VIM: variants seen among roughly 807,000 people sequenced by gnomAD.
VIM encodes the protein vimentin.
Under a neutral mutation model 50.3 loss-of-function variants are expected in VIM, and 18 were observed. The observed-to-expected ratio is 0.36, with a 90% CI of 0.25 to 0.53. VIM has a LOEUF of 0.53. Among genes scored for constraint, VIM ranks in the 20% least tolerant of loss-of-function variants. VIM has a pLI of 0.91. For synonymous variants in VIM, 245 were observed against 248.5 expected, an observed-to-expected ratio of 0.99 and a Z score of 0.13; for missense variants, 551 against 614.7, an observed-to-expected ratio of 0.90 and a Z score of 1.10.
chr10:17,233,815 A>G lies in VIM; in HGVS notation c.766A>G (p.Ile256Val), dbSNP rs139037306. Residue 256 changes from isoleucine to valine, a missense_variant, in exon 5 of 10, where the codon ATC becomes GTC. Ile to Val is a conservative substitution (Grantham distance 29). This residue lies in a region of VIM where 394 missense variants were observed against 437.5 expected (regional missense o/e 0.90). Transcript: ENST00000544301. ...TCAGATTCAGGAACAGCATGTCCAA[A>G]TCGATGTGGATGTTTCCAAGCCTGA... is the stretch of plus-strand genomic sequence containing the variant. Reference protein sequence around the residue: ...QAQIQEQHVQIDVDVSKPDLT... With the variant: ...QAQIQEQHVQVDVDVSKPDLT... The G allele has an allele frequency of 5.6e-6, 9 of 1,614,026 alleles. No individual in the cohort carries two copies. In the African/African-American group the frequency reaches 1.1e-4, roughly 19 times the overall value.
At position 17,233,625 on chromosome 10, in the gene VIM, A is replaced by G. The variant is rs1310277495; in HGVS notation, c.663A>G (p.Glu221=). 6.2e-7 allele frequency: 1 copy of G among 1,614,192 alleles called. No individual in the cohort carries two copies. Among genetic ancestry groups the G allele is most frequent in the Non-Finnish European group, 8.5e-7 (1 of 1,180,040 alleles). ...DNASLARLDL[E]RKVESLQEEI... is the part of the protein sequence containing the mutation. Reference sequence around the variant, plus strand: ...CGTCTCTGGCACGTCTTGACCTTGAACGCAAAGTGGAATCTTTGCAAGAAG... The same window carrying G: ...CGTCTCTGGCACGTCTTGACCTTGAGCGCAAAGTGGAATCTTTGCAAGAAG... Residue 221 remains glutamate, a synonymous_variant, in exon 4 of 10, where the codon GAA becomes GAG. Coordinates refer to ENST00000544301, the MANE Select transcript of VIM (RefSeq NM_003380.5).
rs559194010 is a variant in VIM at position 17,235,988 on chromosome 10, C to T, written c.1273+99C>T. 5.2e-5 allele frequency: 68 copies of T among 1,299,004 alleles called. No individual in the cohort carries two copies. The Admixed American group carries it at 6.2e-4, about 12-fold the overall frequency. The allele number at this position is 1,299,004 out of a possible 1,614,324, so 80.5% of individuals were successfully genotyped here. A position where few individuals can be genotyped will look rare whatever the true frequency, so the allele number is the denominator to read the frequency against. On this transcript the variant is annotated intron_variant, in intron 8 of 9. Coordinates refer to ENST00000544301, the MANE Select transcript of VIM (RefSeq NM_003380.5). ...TTTTTTAGGATATCTGAAAAAATGCCATATAAGAGAAAACTCTATAAAACA... is the reference window on the plus strand; with the variant it reads ...TTTTTTAGGATATCTGAAAAAATGCTATATAAGAGAAAACTCTATAAAACA...
intron 9 of VIM, 121 bp from the exon 10 acceptor site, chr10:17,237,109 C>A (rs955829712): frequency 3.2e-6 from 3 of 930,154 alleles, no homozygotes; most frequent in Non-Finnish European, 5.0e-6. Flanking sequence ...AGCAACATAA[C>A]CTTCTGATTT....
intron 3 of VIM, among the ~76,000 whole-genome samples, chr10:17,232,509 C>A (rs1161412535): frequency 6.6e-6 from 1 of 152,180 alleles, no homozygotes; most frequent in Non-Finnish European, 1.5e-5. Context: ...CTGAAACAGG[C>A]TAACTGAACT....
intron 5 of VIM, 28 bp from the exon 6 acceptor site, chr10:17,234,665 A>T: frequency 6.2e-7 from 1 of 1,613,156 alleles, no homozygotes; most frequent in Non-Finnish European, 8.5e-7. Flanking sequence ...AATGTGAGCA[A>T]TCTACATTTC....
rs779660014 is a variant in VIM, at chr10:17,230,613, T to G, written c.564-37T>G. On this transcript the variant is annotated intron_variant, in intron 2 of 9. Coordinates refer to ENST00000544301, the MANE Select transcript of VIM (RefSeq NM_003380.5). The stretch of plus-strand genomic sequence containing the variant: ...TGTGGCCGCCCCGCCCCTGGCGGTT[T>G]CCTCGTTCCCCTTTGGTTAATGCGC... 3.7e-6 allele frequency: 6 copies of G among 1,613,168 alleles called. No individual in the cohort carries two copies. The Admixed American group carries it at 6.7e-5, about 18-fold the overall frequency.
chr10:17,231,937 T>G (rs1846806719), intron 3 of VIM, among the ~76,000 whole-genome samples: 1 of 152,222 alleles, frequency 6.6e-6, no homozygotes, highest in Non-Finnish European at 1.5e-5. Context: ...TAGTATAACA[T>G]TTTGAAACTG....
At chr10:17,236,049 C>A in intron 8 of VIM, 160 bp downstream of exon 8, 1 of 798,964 alleles carries the variant, frequency 1.3e-6, no homozygotes, top group Non-Finnish European at 2.1e-6. Context: ...CTCTTGCATT[C>A]TATGCTTTAA....
At chr10:17,230,124 G>T in intron 2 of VIM, 139 bp downstream of exon 2, 1 of 1,134,934 alleles carries the variant, frequency 8.8e-7, no homozygotes. Flanking sequence ...ACAGCGGAGA[G>T]CGGGGCTGTG....
At position 17,234,688 on chromosome 10, in the gene VIM, A is replaced by C; in HGVS notation, c.883-5A>C. On this transcript the variant is annotated splice_polypyrimidine_tract_variant and splice_region_variant and intron_variant, in intron 5 of 9. Coordinates refer to ENST00000544301, the MANE Select transcript of VIM (RefSeq NM_003380.5). ...CAATCTACATTTCTGTTTTCTTCCCAACAGTTTGCTGACCTCTCTGAGGCT... is the reference window on the plus strand; with the variant it reads ...CAATCTACATTTCTGTTTTCTTCCCCACAGTTTGCTGACCTCTCTGAGGCT... The C allele has an allele frequency of 1.9e-6, 3 of 1,613,936 alleles. No homozygotes were observed. The highest frequency in any genetic ancestry group is 2.5e-6 in the Non-Finnish European group (3 of 1,180,018).
At chr10:17,231,582 A>G (rs1226228122) in intron 3 of VIM, among the ~76,000 whole-genome samples, 1 of 152,238 alleles carries the variant, frequency 6.6e-6, no homozygotes, top group African/African-American at 2.4e-5. Flanking sequence ...AACATCCGTT[A>G]TCTAATATCT....
In VIM at chr10:17,230,010, C is replaced by A. The variant is rs1248721024; in HGVS notation, c.563+25C>A. 8 of 1,594,012 alleles carry A rather than the reference C, an allele frequency of 5.0e-6. No homozygotes were observed. In the Middle Eastern group the frequency reaches 5.0e-4, roughly 100 times the overall value. On this transcript the variant is annotated intron_variant, in intron 2 of 9. Coordinates refer to ENST00000544301, the MANE Select transcript of VIM (RefSeq NM_003380.5). The stretch of plus-strand genomic sequence containing the variant: ...AGTAAGGCTGCGCCCATGCAAGTAG[C>A]TGGGCCTCGGGAGGGGGCTGGAGGG...
chr10:17,230,283 A>G (rs1409516798), intron 2 of VIM: 6 of 570,062 alleles, frequency 1.1e-5, no homozygotes, highest in East Asian at 6.0e-5. Flanking sequence ...CTTGGGCACA[A>G]TGAGAGCCAG....
At chr10:17,236,122 G>T in intron 8 of VIM, 172 bp from the exon 9 acceptor site, 1 of 733,574 alleles carries the variant, frequency 1.4e-6, no homozygotes, top group Non-Finnish European at 2.4e-6. Flanking sequence ...TGATGCTCAA[G>T]AGTGTCAGGG....
Position 17,235,250 on chromosome 10 carries a change from C to T in VIM, c.1090C>T (p.Arg364Cys), listed in dbSNP as rs751935909. Residue 364 changes from arginine to cysteine, a missense_variant, in exon 7 of 10, where the codon CGC (arginine) becomes TGC (cysteine). Arg to Cys is a radical substitution (Grantham distance 180). Around this residue, in one of 3 missense-constraint regions of VIM, gnomAD observed 394 missense variants for 437.5 expected, o/e 0.90. Transcript: ENST00000544301. ...TGCTAACTACCAAGACACTATTGGC[C>T]GCCTGCAGGATGAGATTCAGAATAT... is the stretch of plus-strand genomic sequence containing the variant. ...EAANYQDTIG[R>C]LQDEIQNMKE... The T allele has an allele frequency of 1.7e-5, 27 of 1,614,068 alleles. No homozygotes were observed. The highest frequency in any genetic ancestry group is 8.3e-5 in the Admixed American group (5 of 60,008).
At position 17,235,837 on chromosome 10, in the gene VIM, T is replaced by C. The variant is rs1237795634; in HGVS notation, c.1230-9T>C. 8 of 1,613,552 alleles carry C rather than the reference T, an allele frequency of 5.0e-6. No individual in the cohort carries two copies. The highest frequency in any genetic ancestry group is 6.8e-6 in the Non-Finnish European group (8 of 1,179,574). The stretch of plus-strand genomic sequence containing the variant: ...AACAATTTTACTGTTTCTCTTCATC[T>C]GTTTATAGGATTTCTCTGCCTCTTC... On this transcript the variant is annotated splice_polypyrimidine_tract_variant and intron_variant, in intron 7 of 9. Transcript: ENST00000544301.
chr10:17,228,989 C>A (rs1438070048), intron 1 of VIM: 4 of 242,510 alleles, frequency 1.6e-5, no homozygotes, highest in Non-Finnish European at 3.3e-5. Flanking sequence ...GGCGGACCCC[C>A]CCCTCACCGC....
Position 17,233,809 on chromosome 10 carries a change from G to A in VIM, c.760G>A (p.Val254Ile). 2.5e-6 allele frequency: 4 copies of A among 1,614,194 alleles called. No individual in the cohort carries two copies. Among genetic ancestry groups the A allele is most frequent in the Non-Finnish European group, 3.4e-6 (4 of 1,180,028 alleles). Residue 254 changes from valine (V) to isoleucine (I), a missense_variant, in exon 5 of 10, where the codon GTC becomes ATC. Physicochemically the swap from Val to Ile is conservative, Grantham distance 29. This residue lies in a region of VIM where 394 missense variants were observed against 437.5 expected (regional missense o/e 0.90). Transcript: ENST00000544301. ...GCAGGCTCAGATTCAGGAACAGCAT[G>A]TCCAAATCGATGTGGATGTTTCCAA... ...ELQAQIQEQH[V>I]QIDVDVSKPD...
rs1259634473 is a variant in VIM at position 17,229,298 on chromosome 10, G to T, written c.-125G>T. 2 of 1,012,956 alleles carry T rather than the reference G, an allele frequency of 2.0e-6. No homozygotes were observed. The highest frequency in any genetic ancestry group is 2.9e-6 in the Non-Finnish European group (2 of 685,482). The allele number at this position is 1,012,956 out of a possible 1,614,324, so 62.7% of individuals were successfully genotyped here. ...CAGTCCTCTGCCACTCTCGCTCCGA[G>T]GTCCCCGCGCCAGAGACGCAGCCGC... On this transcript the variant is annotated 5_prime_UTR_variant, in exon 2 of 10. In the 5' UTR this introduces an upstream ATG that the reference lacks. Coordinates refer to ENST00000544301, the MANE Select transcript of VIM (RefSeq NM_003380.5).
Sources: gnomAD v4.1 joint callset for allele counts (sites outside exome capture counted in the v4.1 genomes callset) on GRCh38, gnomAD v4.1.1 for gene constraint, gnomAD v4.1.1 regional missense constraint, MANE v1.5 for transcripts, NCBI Gene and HGNC (gene_info 2026-07-23, HGNC 2026-07-21) for gene names.